The following RPS26 variants were observed in gnomAD, a reference collection of about 807,000 sequenced individuals.
The protein encoded by RPS26 is small ribosomal subunit protein eS26.
A neutral mutation model predicts 14.7 loss-of-function variants in RPS26; 1 was observed. The ratio of observed to expected loss-of-function variants is 0.07; its 90% CI spans 0.02 to 0.32. The LOEUF (loss-of-function observed/expected upper bound fraction) is 0.32. Ranked by LOEUF, RPS26 falls within the 10% of genes least tolerant of loss-of-function variation. RPS26 has a pLI of 1.00. For missense variants in RPS26, 63 were observed against 157.7 expected, an observed-to-expected ratio of 0.40 and a Z score of 3.22; for synonymous variants, 59 against 53.1, an observed-to-expected ratio of 1.11 and a Z score of -0.48.
chr12:56,042,172 G>A lies in RPS26; in HGVS notation c.3+3G>A, dbSNP rs749637665. On this transcript the variant is annotated splice_donor_region_variant and intron_variant, in intron 1 of 3. Coordinates refer to ENST00000646449, the MANE Select transcript of RPS26 (RefSeq NM_001029.5). ...CTCCGGTCCGTGCCTCCAAGATGGTGAGTCTTCTTGCGTGGTGAGGGTGGG... is the reference window on the plus strand; with the variant it reads ...CTCCGGTCCGTGCCTCCAAGATGGTAAGTCTTCTTGCGTGGTGAGGGTGGG... 6.2e-7 allele frequency: 1 copy of A among 1,614,132 alleles called. No homozygotes were observed. The highest frequency in any genetic ancestry group is 8.5e-7 in the Non-Finnish European group (1 of 1,180,016).
At chr12:56,042,197 G>T in intron 1 of RPS26, 28 bp downstream of exon 1, 1 of 1,613,974 alleles carries the variant, frequency 6.2e-7, no homozygotes, top group East Asian at 2.2e-5. Context: ...GTGAGGGTGG[G>T]GGTTCGGGTG....
Position 56,044,119 on chromosome 12 carries a change from G to T in RPS26, c.313G>T (p.Gly105Cys). ...ACTCTTTTGTTTCTTTGTCTTTCAG[G>T]GTGCTGCCCCACGTCCCCCACCAAA... The part of the protein sequence containing the change: ...RTPPPRFRPA[G>C]AAPRPPPKPM The change falls in exon 4 of 4, where the codon GGT (glycine) becomes TGT (cysteine). Residue 105 changes from glycine (G) to cysteine (C), a missense_variant and splice_region_variant. By Grantham distance (159) the Gly-to-Cys change is radical. Transcript: ENST00000646449. 1 of 1,613,238 alleles carries T rather than the reference G, an allele frequency of 6.2e-7. No homozygotes were observed. Among genetic ancestry groups the T allele is most frequent in the Non-Finnish European group, 8.5e-7 (1 of 1,179,410 alleles).
intron 1 of RPS26, 48 bp from the exon 2 acceptor site, chr12:56,042,377 C>G: frequency 6.3e-7 from 1 of 1,591,356 alleles, no homozygotes; most frequent in Non-Finnish European, 8.6e-7. Context: ...GGGACTGAGG[C>G]TGGGTGAGTT....
intron 3 of RPS26, among the ~76,000 whole-genome samples, chr12:56,043,830 C>G (rs1221684904): frequency 6.6e-6 from 1 of 151,456 alleles, no homozygotes; most frequent in East Asian, 1.9e-4. Context: ...AAAAAAGTTG[C>G]TTCCTCCTGT....
intron 2 of RPS26, 31 bp from the exon 3 acceptor site, chr12:56,043,332 T>TA: frequency 6.2e-7 from 1 of 1,604,124 alleles, no homozygotes; most frequent in South Asian, 1.1e-5. Flanking sequence ...AGGTATATAA[T>TA]ACCAGTATAA....
At chr12:56,043,758 CT>C (rs1895924649) in intron 3 of RPS26, among the ~76,000 whole-genome samples, 1 of 151,752 alleles carries the variant, frequency 6.6e-6, no homozygotes, top group African/African-American at 2.4e-5. Context: ...TTGCAGTGAG[CT>C]ATGATTATAC....
At chr12:56,043,586 A>T in intron 3 of RPS26, 93 bp downstream of exon 3, 2 of 1,281,874 alleles carry the variant, frequency 1.6e-6, no homozygotes, top group South Asian at 2.4e-5. Context: ...TAACCTCAAC[A>T]CTTTGGGAGG....
chr12:56,043,272 T>G, intron 2 of RPS26, 91 bp from the exon 3 acceptor site: 1 of 1,272,930 alleles, frequency 7.9e-7, no homozygotes. Flanking sequence ...TAGTTTTAAT[T>G]GACGTAAACA....
chr12:56,042,881 A>G lies in RPS26; in HGVS notation c.181+279A>G, dbSNP rs139616170. The G allele has an allele frequency of 5.1e-4, 271 of 536,344 alleles. 1 individual carries two copies. Among genetic ancestry groups the G allele is most frequent in the African/African-American group, 4.5e-3 (235 of 52,660 alleles). The allele number at this position is 536,344 out of a possible 1,614,324, so 33.2% of individuals were successfully genotyped here. On this transcript the variant is annotated intron_variant, in intron 2 of 3. Transcript: ENST00000646449. ...AACTAGAAACTTGGTAAATTTGACA[A>G]TTCTTGTGCTATTGATTATTTGAAT...
In RPS26 at chr12:56,042,922, C is replaced by T. The variant is rs1021088784; in HGVS notation, c.181+320C>T. The T allele has an allele frequency of 2.8e-5, 13 of 456,944 alleles. No homozygotes were observed. The Admixed American group carries it at 3.2e-4, about 11-fold the overall frequency. 28.3% of individuals were successfully genotyped at this position (456,944 alleles called of 1,614,324 possible). On this transcript the variant is annotated intron_variant, in intron 2 of 3. Coordinates refer to ENST00000646449, the MANE Select transcript of RPS26 (RefSeq NM_001029.5). ...TTATTTGAATATTTGTGAAAATATACAGGTGAGGAAGAATGTCTTCAACGT... is the reference window on the plus strand; with the variant it reads ...TTATTTGAATATTTGTGAAAATATATAGGTGAGGAAGAATGTCTTCAACGT...
chr12:56,042,968 A>G (rs371523179), intron 2 of RPS26: 4 of 414,716 alleles, frequency 9.6e-6, no homozygotes, highest in Non-Finnish European at 1.8e-5. Flanking sequence ...GAGGCCGTCT[A>G]GTTTGGTGTG....
chr12:56,043,129 C>T (rs911630325), intron 2 of RPS26: 6 of 501,458 alleles, frequency 1.2e-5, no homozygotes, highest in Non-Finnish European at 1.8e-5. Context: ...CTGGTCCTTG[C>T]GGTGTCAAGA....
intron 2 of RPS26, 65 bp downstream of exon 2, chr12:56,042,667 G>A: frequency 7.0e-7 from 1 of 1,427,760 alleles, no homozygotes; most frequent in Non-Finnish European, 9.8e-7. Context: ...GCCCAACTTC[G>A]CCCTTTTGGA....
In RPS26 at chr12:56,044,225, A is replaced by T. The variant is rs1447036534; in HGVS notation, c.*71A>T. The T allele has an allele frequency of 1.7e-6, 2 of 1,205,472 alleles. No individual in the cohort carries two copies. Among genetic ancestry groups the T allele is most frequent in the East Asian group, 4.6e-5 (2 of 43,042 alleles). 74.7% of individuals were successfully genotyped at this position (1,205,472 alleles called of 1,614,324 possible). A position where few individuals can be genotyped will look rare whatever the true frequency, so the allele number is the denominator to read the frequency against. On this transcript the variant is annotated 3_prime_UTR_variant, in exon 4 of 4. Coordinates refer to ENST00000646449, the MANE Select transcript of RPS26 (RefSeq NM_001029.5). Reference sequence around the variant, plus strand: ...AAATAAAATGGAAATTGTACTTAATATTGCATGTTAAGTGTATCTGTGCCA... The same window carrying T: ...AAATAAAATGGAAATTGTACTTAATTTTGCATGTTAAGTGTATCTGTGCCA...
At chr12:56,044,083 G>A in intron 3 of RPS26, 36 bp from the exon 4 acceptor site, 3 of 1,599,896 alleles carry the variant, frequency 1.9e-6, no homozygotes, top group Non-Finnish European at 2.6e-6. Flanking sequence ...TGGATCCATG[G>A]GTTTTAATTT....
rs778791702 is a variant in RPS26 at position 56,043,492 on chromosome 12, C to T, written c.311C>T (p.Ala104Val). 1.2e-5 allele frequency: 19 copies of T among 1,613,550 alleles called. No homozygotes were observed. The highest frequency in any genetic ancestry group is 6.7e-5 in the Admixed American group (4 of 59,948). The change falls in exon 3 of 4, where the codon GCG (alanine) becomes GTG (valine). Residue 104 changes from alanine to valine, a missense_variant and splice_region_variant. Ala to Val is a moderately conservative substitution (Grantham distance 64). Coordinates refer to ENST00000646449, the MANE Select transcript of RPS26 (RefSeq NM_001029.5). Reference sequence around the variant, plus strand: ...ACACCCCCACCCCGATTTAGACCTGCGGTGAGTATTTTAAAAGGAGAATGG... The same window carrying T: ...ACACCCCCACCCCGATTTAGACCTGTGGTGAGTATTTTAAAAGGAGAATGG... ...DRTPPPRFRP[A>V]GAAPRPPPKP...
intron 2 of RPS26, 103 bp downstream of exon 2, chr12:56,042,705 A>G (rs1037382125): frequency 1.8e-5 from 17 of 924,606 alleles, no homozygotes; most frequent in South Asian, 3.9e-5. Context: ...CCTCTCAGGC[A>G]ATTTCCACGT....
In RPS26 at chr12:56,044,349, T is replaced by C. The variant is rs1279321425; in HGVS notation, c.*195T>C. 8.7e-6 allele frequency: 3 copies of C among 344,552 alleles called. No individual in the cohort carries two copies. The South Asian group carries it at 9.6e-5, about 11-fold the overall frequency. 21.3% of individuals were successfully genotyped at this position (344,552 alleles called of 1,614,324 possible). A position where few individuals can be genotyped will look rare whatever the true frequency, so the allele number is the denominator to read the frequency against. ...TTCATGTAATTTAATTTTTTTCTTTTTTTTTTTTTTTTTTTTGAGACGGAG... is the reference window on the plus strand; with the variant it reads ...TTCATGTAATTTAATTTTTTTCTTTCTTTTTTTTTTTTTTTTGAGACGGAG... On this transcript the variant is annotated 3_prime_UTR_variant, in exon 4 of 4. Coordinates refer to ENST00000646449, the MANE Select transcript of RPS26 (RefSeq NM_001029.5).
At chr12:56,043,076 A>G in intron 2 of RPS26, 4 of 427,682 alleles carry the variant, frequency 9.4e-6, no homozygotes, top group South Asian at 8.4e-5. Context: ...GTGTAGGTGT[A>G]GAAGGAACTG....
Sources: gnomAD v4.1 joint callset for allele counts (sites outside exome capture counted in the v4.1 genomes callset) on GRCh38, gnomAD v4.1.1 for gene constraint, MANE v1.5 for transcripts, NCBI Gene and HGNC (gene_info 2026-07-23, HGNC 2026-07-21) for gene names.